The following VIPR2 variants were observed in gnomAD, a reference collection of about 807,000 sequenced individuals.
The protein encoded by VIPR2 is vasoactive intestinal peptide receptor 2.
VIPR2 carries 48 observed loss-of-function variants against 58.0 expected under a neutral mutation model. That is an observed-to-expected ratio of 0.83 (90% CI 0.66 to 1.05). The LOEUF (loss-of-function observed/expected upper bound fraction) is 1.05, where lower values mean the gene tolerates loss of function less well. VIPR2 is among the 50% of genes least tolerant of loss of function. The probability of loss-of-function intolerance (pLI) is 0.00; values close to 1 mark genes in which losing one functional copy is unlikely to be tolerated. For synonymous variants in VIPR2, 243 were observed against 235.2 expected, an observed-to-expected ratio of 1.03 and a Z score of -0.30; for missense variants, 534 against 558.0, an observed-to-expected ratio of 0.96 and a Z score of 0.43.
At chr7:159,138,339 G>A (rs1267554957) in intron 2 of VIPR2, among the ~76,000 whole-genome samples, 4 of 152,190 alleles carry the variant, frequency 2.6e-5, no homozygotes, top group East Asian at 3.8e-4. Flanking sequence ...TGACACAACC[G>A]ACACAGGAAT....
chr7:159,110,726 A>T (rs1162343348), intron 2 of VIPR2, among the ~76,000 whole-genome samples: 1 of 152,116 alleles, frequency 6.6e-6, no homozygotes, highest in African/African-American at 2.4e-5. Flanking sequence ...AAACAAACAA[A>T]CAATCAGTTT....
At chr7:159,063,247 C>T (rs1053704848) in intron 4 of VIPR2, among the ~76,000 whole-genome samples, 3 of 152,128 alleles carry the variant, frequency 2.0e-5, no homozygotes, top group African/African-American at 7.2e-5. Context: ...GGGGGAGACT[C>T]GGGCATGGTG....
chr7:159,053,493 G>A lies in VIPR2; in HGVS notation c.455+4988C>T, dbSNP rs574609194. ...GAACGATGTCCTGTCTATCCAAGCT[G>A]ATCTATAGATACAATGCAATACCAA... On this transcript the variant is annotated intron_variant, in intron 5 of 12. Coordinates refer to ENST00000262178, the MANE Select transcript of VIPR2 (RefSeq NM_003382.5). Among the ~76,000 whole-genome samples, 100 of 152,262 alleles carry A rather than the reference G, an allele frequency of 6.6e-4. 1 individual carries two copies. Among genetic ancestry groups the A allele is most frequent in the African/African-American group, 2.2e-3 (92 of 41,554 alleles).
At chr7:159,061,183 G>A (rs985555636) in intron 4 of VIPR2, among the ~76,000 whole-genome samples, 3 of 152,092 alleles carry the variant, frequency 2.0e-5, no homozygotes, top group African/African-American at 7.2e-5. Flanking sequence ...ACGGTACTCA[G>A]GGAGGAGAAA....
chr7:159,094,720 C>A (rs1857727059), intron 4 of VIPR2, among the ~76,000 whole-genome samples: 1 of 152,264 alleles, frequency 6.6e-6, no homozygotes, highest in South Asian at 2.1e-4. Context: ...ATCAGTGCGA[C>A]TCCATGCCGT....
chr7:159,112,744 C>CG (rs1796079352), intron 2 of VIPR2, among the ~76,000 whole-genome samples: 1 of 99,896 alleles, frequency 1.0e-5, no homozygotes, highest in African/African-American at 3.9e-5. Flanking sequence ...TACCTGGGAC[C>CG]GACCCTGACT....
At chr7:159,104,638 A>G (rs1161433346) in intron 3 of VIPR2, among the ~76,000 whole-genome samples, 3 of 121,622 alleles carry the variant, frequency 2.5e-5, no homozygotes, top group Admixed American at 8.3e-5. Context: ...CCTCCTCCCG[A>G]CAGCACCCTC....
intron 2 of VIPR2, among the ~76,000 whole-genome samples, chr7:159,134,117 C>T (rs1045397695): frequency 2.0e-5 from 3 of 152,158 alleles, no homozygotes; most frequent in African/African-American, 7.2e-5. Flanking sequence ...TACTAAAACA[C>T]TAATTCCTAA....
chr7:159,142,965 G>A (rs1039699801), intron 1 of VIPR2, among the ~76,000 whole-genome samples: 4 of 152,194 alleles, frequency 2.6e-5, no homozygotes, highest in African/African-American at 9.7e-5. Context: ...CGTGATAGAA[G>A]GGCTTTATTT....
At chr7:159,126,969 G>A (rs569935727) in intron 2 of VIPR2, among the ~76,000 whole-genome samples, 1 of 152,310 alleles carries the variant, frequency 6.6e-6, no homozygotes, top group South Asian at 2.1e-4. Context: ...ACAGCCTTGA[G>A]GTGGAGATTG....
At position 159,036,022 on chromosome 7, in the gene VIPR2, G is replaced by A; in HGVS notation, c.749-10C>T. The A allele has an allele frequency of 1.2e-6, 2 of 1,612,604 alleles. No individual in the cohort carries two copies. The highest frequency in any genetic ancestry group is 1.3e-5 in the African/African-American group (1 of 75,050). ...CAGACGGTGGGGAGGCCTGCAGAGA[G>A]ACGCCTGGTTACACAGGTGGAGCGG... is the stretch of plus-strand genomic sequence containing the variant. On this transcript the variant is annotated splice_polypyrimidine_tract_variant and intron_variant, in intron 7 of 12. Transcript: ENST00000262178.
rs139736739 is a variant in VIPR2, at chr7:159,054,348, C to T, written c.455+4133G>A. ...AAAGAAACAAATGGCAAATAAGCTT[C>T]ATTAAAGTTAAGAGCTTCTGTTTAT... On this transcript the variant is annotated intron_variant, in intron 5 of 12. Transcript: ENST00000262178. Among the ~76,000 whole-genome samples, 555 of 152,274 alleles carry T rather than the reference C, an allele frequency of 3.6e-3. 10 individuals carry two copies. Among genetic ancestry groups the T allele is most frequent in the Admixed American group, 0.031 (476 of 15,288 alleles).
In VIPR2 at chr7:159,054,572, A is replaced by G. The variant is rs966371214; in HGVS notation, c.455+3909T>C. Among the ~76,000 whole-genome samples, 6 of 152,238 alleles carry G rather than the reference A, an allele frequency of 3.9e-5. No individual in the cohort carries two copies. In the East Asian group the frequency reaches 1.2e-3, roughly 29 times the overall value. ...TTTAAAATGTATGAACTCATTTTCC[A>G]CCAGGGAAATCAGGGAAATGTAAAT... is the stretch of plus-strand genomic sequence containing the variant. On this transcript the variant is annotated intron_variant, in intron 5 of 12. Coordinates refer to ENST00000262178, the MANE Select transcript of VIPR2 (RefSeq NM_003382.5).
chr7:159,140,270 G>A (rs774452131), intron 2 of VIPR2, among the ~76,000 whole-genome samples: 45 of 152,154 alleles, frequency 3.0e-4, no homozygotes, highest in Middle Eastern at 6.8e-3. Flanking sequence ...CTCACCTGGC[G>A]TCAGGTGCAA....
Position 159,029,075 on chromosome 7 carries a change from C to T in VIPR2, c.*1541G>A, listed in dbSNP as rs984509903. ...TACCGGGGATATGGGTTTTGCAAACCAAGGTGACACTGACAGGATGTGTGA... is the reference window on the plus strand; with the variant it reads ...TACCGGGGATATGGGTTTTGCAAACTAAGGTGACACTGACAGGATGTGTGA... On this transcript the variant is annotated 3_prime_UTR_variant, in exon 13 of 13. Transcript: ENST00000262178. The T allele has an allele frequency of 6.6e-6, 1 of 152,280 alleles. No homozygotes were observed. The highest frequency in any genetic ancestry group is 1.5e-5 in the Non-Finnish European group (1 of 68,084). 9.4% of individuals were successfully genotyped at this position (152,280 alleles called of 1,614,324 possible). A position where few individuals can be genotyped will look rare whatever the true frequency, so the allele number is the denominator to read the frequency against.
intron 5 of VIPR2, among the ~76,000 whole-genome samples, chr7:159,044,977 G>T (rs1368237175): frequency 6.6e-6 from 1 of 152,134 alleles, no homozygotes; most frequent in African/African-American, 2.4e-5. Context: ...CGCAACGTTG[G>T]CTAGGCTGAT....
intron 4 of VIPR2, among the ~76,000 whole-genome samples, chr7:159,084,125 C>T (rs1857049622): frequency 6.6e-6 from 1 of 152,240 alleles, no homozygotes; most frequent in Admixed American, 6.5e-5. Flanking sequence ...CTGTGGGGTG[C>T]AGAAAGCAAA....
Position 159,097,498 on chromosome 7 carries a change from A to G in VIPR2, c.357+6259T>C, listed in dbSNP as rs1857933688. ...ACACTCCGCCCTGGCCACCTCCACC[A>G]CAGAAGCAATGGCAGGGCTGTGAGT... On this transcript the variant is annotated intron_variant, in intron 4 of 12. Coordinates refer to ENST00000262178, the MANE Select transcript of VIPR2 (RefSeq NM_003382.5). This position sits in a 1 kb window ranked among gnomAD's most constrained non-coding sequence, Gnocchi z 5.3. Among the ~76,000 whole-genome samples the G allele has an allele frequency of 6.6e-6, 1 of 151,968 alleles. No homozygotes were observed. The highest frequency in any genetic ancestry group is 6.6e-5 in the Admixed American group (1 of 15,262).
chr7:159,077,838 T>C (rs1268223012), intron 4 of VIPR2, among the ~76,000 whole-genome samples: 1 of 152,254 alleles, frequency 6.6e-6, no homozygotes, highest in Admixed American at 6.5e-5. Flanking sequence ...TTCAATGTCT[T>C]TGAGGTTTGC....
Sources: allele counts gnomAD v4.1 joint callset (sites outside exome capture counted in the v4.1 genomes callset), GRCh38; gene constraint gnomAD v4.1.1; non-coding constraint Gnocchi (gnomAD v3.1); transcripts MANE v1.5; gene names NCBI Gene and HGNC (gene_info 2026-07-23, HGNC 2026-07-21).